The following PDE8B variants were observed in gnomAD, a reference collection of about 807,000 sequenced individuals.
PDE8B encodes phosphodiesterase 8B.
Under a neutral mutation model 101.3 loss-of-function variants are expected in PDE8B, and 26 were observed. The observed-to-expected ratio is 0.26, with a 90% CI of 0.19 to 0.36. PDE8B has a LOEUF of 0.36. Among genes scored for constraint, PDE8B ranks in the 10% least tolerant of loss-of-function variants. PDE8B has a pLI of 1.00. For missense variants in PDE8B, 810 were observed against 1,163.1 expected, an observed-to-expected ratio of 0.70 and a Z score of 4.42; for synonymous variants, 424 against 429.3, an observed-to-expected ratio of 0.99 and a Z score of 0.15.
At chr5:77,417,937 T>C (rs1042965886) in intron 17 of PDE8B, among the ~76,000 whole-genome samples, 2 of 152,058 alleles carry the variant, frequency 1.3e-5, no homozygotes, top group Non-Finnish European at 2.9e-5. Context: ...TACCATACAG[T>C]GGGCAATTCA....
chr5:77,343,191 A>G (rs1319144027), intron 6 of PDE8B, among the ~76,000 whole-genome samples: 1 of 152,202 alleles, frequency 6.6e-6, no homozygotes, highest in African/African-American at 2.4e-5. Flanking sequence ...TTTCCCTCAA[A>G]GCATATTATT....
intron 1 of PDE8B, among the ~76,000 whole-genome samples, chr5:77,303,049 T>C (rs538453495): frequency 6.6e-6 from 1 of 152,328 alleles, no homozygotes; most frequent in African/African-American, 2.4e-5. Context: ...ATAAAGACTT[T>C]ACTGGAAAAA....
At chr5:77,151,872 G>A in the PDE8B span, 1 of 152,208 alleles carries the variant, frequency 6.6e-6, no homozygotes, top group Non-Finnish European at 1.5e-5. Context: ...AAGATTTCAT[G>A]TAAAAATTCT....
chr5:77,219,051 C>T (rs945592968), intron 1 of PDE8B, among the ~76,000 whole-genome samples: 2 of 152,166 alleles, frequency 1.3e-5, no homozygotes, highest in Admixed American at 1.3e-4. Flanking sequence ...TCTTGCCAGT[C>T]CAAGGCCCAA....
At chr5:77,371,419 T>C (rs866867380) in intron 10 of PDE8B, among the ~76,000 whole-genome samples, 6 of 152,344 alleles carry the variant, frequency 3.9e-5, no homozygotes, top group Middle Eastern at 3.4e-3. Context: ...CAAATGAGTA[T>C]GTAATATTGA....
At chr5:77,171,343 A>G in the PDE8B span, among the ~76,000 whole-genome samples, 1 of 152,206 alleles carries the variant, frequency 6.6e-6, no homozygotes, top group African/African-American at 2.4e-5. Context: ...CTCACAGCAT[A>G]GTTTGAACTT....
the PDE8B span, chr5:77,104,736 A>G: frequency 1.3e-5 from 2 of 152,200 alleles, no homozygotes; most frequent in Admixed American, 6.5e-5. Context: ...AAAAGCAGCT[A>G]GTTGAGGATT....
the PDE8B span, among the ~76,000 whole-genome samples, chr5:77,094,547 C>A: frequency 6.6e-6 from 1 of 152,150 alleles, no homozygotes; most frequent in Non-Finnish European, 1.5e-5. Flanking sequence ...CTCAAGTGAT[C>A]CTCTCATTTT....
At chr5:77,110,929 C>G in the PDE8B span, among the ~76,000 whole-genome samples, 3 of 152,154 alleles carry the variant, frequency 2.0e-5, no homozygotes, top group Non-Finnish European at 2.9e-5. Flanking sequence ...TTCACCATAT[C>G]GAAAGAATTT....
intron 1 of PDE8B, among the ~76,000 whole-genome samples, chr5:77,251,678 A>G (rs1416712462): frequency 1.3e-5 from 2 of 152,084 alleles, no homozygotes; most frequent in South Asian, 2.1e-4. Context: ...CTCCCACTGT[A>G]TCCACCGCAT....
rs147486154 is a variant in PDE8B, at chr5:77,246,665, A to G, written c.339+35401A>G. The G allele has an allele frequency of 5.3e-5, 8 of 152,334 alleles. No homozygotes were observed. In the East Asian group the frequency reaches 1.5e-3, roughly 29 times the overall value. 9.4% of individuals were successfully genotyped at this position (152,334 alleles called of 1,614,324 possible). ...AGCAGTCACACTTGCAGAGTCGAAT[A>G]GTTGTGACAGAGACCAAATGGCCTG... is the stretch of plus-strand genomic sequence containing the variant. On this transcript the variant is annotated intron_variant, in intron 1 of 21. Transcript: ENST00000264917.
rs571733065 is a variant in PDE8B, at chr5:77,362,744, G to A, written c.1167+9338G>A. The stretch of plus-strand genomic sequence containing the variant: ...CACACTAGGCTGTTTGTAGTTCTCT[G>A]GACATGCCAGGCTTGGCCATGCCTC... On this transcript the variant is annotated intron_variant, in intron 10 of 21. Transcript: ENST00000264917. 7.2e-5 allele frequency among the ~76,000 whole-genome samples: 11 copies of A among 152,284 alleles called. No individual in the cohort carries two copies. The South Asian group carries it at 2.3e-3, about 32-fold the overall frequency.
chr5:77,383,378 C>T (rs1022221252), intron 10 of PDE8B, among the ~76,000 whole-genome samples: 1 of 152,130 alleles, frequency 6.6e-6, no homozygotes, highest in Non-Finnish European at 1.5e-5. Context: ...TTCTCCCATT[C>T]TGTAGGTTGC....
At chr5:77,303,329 C>T (rs1238557667) in intron 1 of PDE8B, among the ~76,000 whole-genome samples, 2 of 152,066 alleles carry the variant, frequency 1.3e-5, no homozygotes, top group Non-Finnish European at 2.9e-5. Flanking sequence ...TGCCTGAGCT[C>T]AGGAATTCAA....
chr5:77,189,732 G>A, the PDE8B span, among the ~76,000 whole-genome samples: 1 of 152,138 alleles, frequency 6.6e-6, no homozygotes, highest in South Asian at 2.1e-4. Context: ...GAGCCAGGCT[G>A]CTCAGGGACT....
At chr5:77,329,379 C>CT (rs1192989204) in intron 4 of PDE8B, among the ~76,000 whole-genome samples, 2 of 152,010 alleles carry the variant, frequency 1.3e-5, no homozygotes, top group South Asian at 2.1e-4. Context: ...CAGTTTATCT[C>CT]TTTTTTTTCC....
At chr5:77,424,531 A>G (rs1797491068) in intron 20 of PDE8B, among the ~76,000 whole-genome samples, 1 of 152,214 alleles carries the variant, frequency 6.6e-6, no homozygotes, top group East Asian at 1.9e-4. Context: ...CTGCAAGGCT[A>G]ATACCCAAGT....
intron 10 of PDE8B, among the ~76,000 whole-genome samples, chr5:77,361,682 T>G (rs1024644293): frequency 3.9e-5 from 6 of 152,028 alleles, no homozygotes; most frequent in African/African-American, 1.2e-4. Context: ...ACCCAGCTAA[T>G]TTTTTGTATT....
chr5:77,207,347 T>G (rs1450551521), upstream of PDE8B, among the ~76,000 whole-genome samples: 2 of 152,262 alleles, frequency 1.3e-5, no homozygotes, highest in Non-Finnish European at 2.9e-5. Flanking sequence ...GTTCAGGATC[T>G]TGCAGTGCCT....
Sources: allele counts gnomAD v4.1 joint callset (sites outside exome capture counted in the v4.1 genomes callset), GRCh38; gene constraint gnomAD v4.1.1; transcripts MANE v1.5; gene names NCBI Gene and HGNC (gene_info 2026-07-23, HGNC 2026-07-21).